The following HNF4G variants were observed in gnomAD, a reference collection of about 807,000 sequenced individuals.
HNF4G encodes hepatocyte nuclear factor 4 gamma.
HNF4G carries 21 observed loss-of-function variants against 50.9 expected under a neutral mutation model. That is an observed-to-expected ratio of 0.41 (90% CI 0.29 to 0.59). HNF4G has a LOEUF of 0.59. Among genes scored for constraint, HNF4G ranks in the 20% least tolerant of loss-of-function variants. HNF4G has a pLI of 0.26. For synonymous variants in HNF4G, 198 were observed against 185.6 expected (o/e 1.07, Z -0.54); for missense variants, 527 against 559.4 (o/e 0.94, Z 0.58).
rs192993767 is a variant in HNF4G, at chr8:75,523,247, C to T, written c.-23-20564C>T. ...TGAAAAAAAAGAAAAAAAAGAAAGA[C>T]AATTTTTCAATCCCAGCTCTATGTA... On this transcript the variant is annotated intron_variant, in intron 2 of 10. Coordinates refer to the HNF4G transcript ENST00000354370. Among the ~76,000 whole-genome samples the T allele has an allele frequency of 4.6e-5, 7 of 151,824 alleles. No homozygotes were observed. The East Asian group carries it at 1.2e-3, about 25-fold the overall frequency.
chr8:75,468,743 G>T (rs1812049123), intron 1 of HNF4G, among the ~76,000 whole-genome samples: 1 of 151,886 alleles, frequency 6.6e-6, no homozygotes, highest in African/African-American at 2.4e-5. Context: ...ATTTTTCAAT[G>T]GTCAATGTTT....
At chr8:75,425,481 T>C (rs1237282683) in intron 1 of HNF4G, among the ~76,000 whole-genome samples, 1 of 151,358 alleles carries the variant, frequency 6.6e-6, no homozygotes, top group African/African-American at 2.4e-5. Context: ...TTAACATATA[T>C]CCTTGTATTG....
rs1187765232 is a variant in HNF4G at position 75,553,177 on chromosome 8, G to A, written c.625G>A (p.Glu209Lys). 1 of 1,612,468 alleles carries A rather than the reference G, an allele frequency of 6.2e-7. No individual in the cohort carries two copies. The highest frequency in any genetic ancestry group is 2.2e-5 in the East Asian group (1 of 44,780). The change falls in exon 5 of 10, where the codon GAA becomes AAA. Residue 209 changes from glutamate to lysine, a missense_variant. Glu to Lys is a moderately conservative substitution (Grantham distance 56, BLOSUM62 1). Transcript: ENST00000396423. ...EWAKYIPAFC[E>K]LPLDDQVALL... ...GGCTAAATATATTCCTGCCTTCTGT[G>A]AATTACCATTGGATGATCAGGTACA...
intron 1 of HNF4G, among the ~76,000 whole-genome samples, chr8:75,421,587 G>A (rs1180095417): frequency 6.6e-6 from 1 of 152,198 alleles, no homozygotes; most frequent in African/African-American, 2.4e-5. Context: ...TGCTGCTAGA[G>A]TTTCTGCAAC....
intron 1 of HNF4G, among the ~76,000 whole-genome samples, chr8:75,461,281 T>G (rs1811833901): frequency 6.6e-6 from 1 of 152,146 alleles, no homozygotes; most frequent in South Asian, 2.1e-4. Flanking sequence ...TTTCCTTCCC[T>G]TTTTTAGCTT....
intron 2 of HNF4G, among the ~76,000 whole-genome samples, chr8:75,520,696 C>T (rs1806015988): frequency 6.6e-6 from 1 of 152,052 alleles, no homozygotes; most frequent in African/African-American, 2.4e-5. Flanking sequence ...CCTCAGTCTC[C>T]CAAAGTGCTG....
At chr8:75,524,024 CTTA>C (rs5892496) in intron 2 of HNF4G, among the ~76,000 whole-genome samples, 61,914 of 151,332 alleles carry the variant, frequency 0.41, 12,938 homozygotes, top group Middle Eastern at 0.58. Context: ...TACTTATATA[CTTA>C]TTATATAGAT....
At chr8:75,431,294 T>C (rs1811009910) in intron 1 of HNF4G, among the ~76,000 whole-genome samples, 1 of 152,166 alleles carries the variant, frequency 6.6e-6, no homozygotes, top group Non-Finnish European at 1.5e-5. Flanking sequence ...GTGAGATGTT[T>C]AAAGTGATAA....
rs1807447152 is a variant in HNF4G at position 75,565,805 on chromosome 8, T to C, written c.*1709T>C. 6.6e-6 allele frequency: 1 copy of C among 152,156 alleles called. No individual in the cohort carries two copies. Among genetic ancestry groups the C allele is most frequent in the South Asian group, 2.1e-4 (1 of 4,826 alleles). The allele number at this position is 152,156 out of a possible 1,614,324, so 9.4% of individuals were successfully genotyped here. On this transcript the variant is annotated 3_prime_UTR_variant, in exon 10 of 10. Coordinates refer to ENST00000396423, the MANE Select transcript of HNF4G (RefSeq NM_004133.5). ...TCAAGTAACTTATTAGCTCTTAAAG[T>C]AAAATTGAACTTATTAAAAGCTATC...
chr8:75,535,009 G>A (rs763750800), upstream of HNF4G, among the ~76,000 whole-genome samples: 6 of 151,708 alleles, frequency 4.0e-5, no homozygotes, highest in Admixed American at 3.3e-4. Flanking sequence ...GTTTAAATGT[G>A]TTAATGAGTT....
chr8:75,431,395 G>A (rs1811011475), intron 1 of HNF4G, among the ~76,000 whole-genome samples: 1 of 152,162 alleles, frequency 6.6e-6, no homozygotes, highest in Non-Finnish European at 1.5e-5. Context: ...TATAATCACA[G>A]AACGGCTTGA....
intron 1 of HNF4G, among the ~76,000 whole-genome samples, chr8:75,541,446 A>G (rs1806619009): frequency 1.3e-5 from 2 of 152,106 alleles, no homozygotes; most frequent in African/African-American, 4.8e-5. Flanking sequence ...TGTTAATGTT[A>G]CCAGAAGAAA....
chr8:75,523,480 C>T (rs1806100200), intron 2 of HNF4G, among the ~76,000 whole-genome samples: 1 of 152,024 alleles, frequency 6.6e-6, no homozygotes, highest in African/African-American at 2.4e-5. Context: ...CCCAGTCATA[C>T]ACACAAAACA....
At chr8:75,466,177 G>T (rs1687961662) in intron 1 of HNF4G, among the ~76,000 whole-genome samples, 1 of 152,008 alleles carries the variant, frequency 6.6e-6, no homozygotes, top group South Asian at 2.1e-4. Context: ...ACTTCATAAT[G>T]CTAGAATTCT....
chr8:75,433,212 G>A (rs1308244155), intron 1 of HNF4G, among the ~76,000 whole-genome samples: 1 of 151,964 alleles, frequency 6.6e-6, no homozygotes, highest in Non-Finnish European at 1.5e-5. Flanking sequence ...GACCAGCCTG[G>A]TCAACATAGA....
intron 2 of HNF4G, chr8:75,526,928 G>A (rs1349021494): frequency 6.6e-6 from 1 of 151,758 alleles, no homozygotes; most frequent in Non-Finnish European, 1.5e-5. Context: ...CACCACGCCT[G>A]GATAATTTTT....
chr8:75,526,755 G>A (rs1038143500), intron 2 of HNF4G, among the ~76,000 whole-genome samples: 1 of 141,328 alleles, frequency 7.1e-6, no homozygotes, highest in Admixed American at 7.2e-5. Flanking sequence ...CAGTTGCCCA[G>A]GTTAACAAGC....
chr8:75,530,354 A>G (rs1477879923), intron 2 of HNF4G, among the ~76,000 whole-genome samples: 1 of 151,880 alleles, frequency 6.6e-6, no homozygotes, highest in East Asian at 1.9e-4. Context: ...TGTGCCTTAC[A>G]CTGCTGTGTG....
intron 2 of HNF4G, among the ~76,000 whole-genome samples, chr8:75,515,301 C>T (rs763046102): frequency 1.3e-5 from 2 of 152,128 alleles, no homozygotes; most frequent in Non-Finnish European, 2.9e-5. Flanking sequence ...TTTCAGTAAT[C>T]TGAGATTTTA....
Sources: gnomAD v4.1 joint callset for allele counts (sites outside exome capture counted in the v4.1 genomes callset) on GRCh38, gnomAD v4.1.1 for gene constraint, MANE v1.5 for transcripts, NCBI Gene and HGNC (gene_info 2026-07-23, HGNC 2026-07-21) for gene names.